TOM1: variants seen among roughly 807,000 people sequenced by gnomAD.
TOM1 encodes the protein target of myb1 membrane trafficking protein.
A neutral mutation model predicts 61.3 loss-of-function variants in TOM1; 38 were observed. The ratio of observed to expected loss-of-function variants is 0.62; its 90% CI spans 0.48 to 0.81. TOM1 has a LOEUF of 0.81. TOM1 is among the 40% of genes least tolerant of loss of function. The probability of loss-of-function intolerance (pLI) is 0.00; values close to 1 mark genes in which losing one functional copy is unlikely to be tolerated. For missense variants in TOM1, 591 were observed against 659.6 expected, an observed-to-expected ratio of 0.90 and a Z score of 1.14; for synonymous variants, 270 against 268.8, an observed-to-expected ratio of 1.00 and a Z score of -0.04.
chr22:35,335,529 AGT>A (rs965101905), intron 11 of TOM1: 1 of 152,668 alleles, frequency 6.6e-6, no homozygotes, highest in African/African-American at 2.4e-5. Context: ...CAAGCTAATG[AGT>A]GTGATGGGAC....
intron 1 of TOM1, 101 bp downstream of exon 1, chr22:35,300,081 C>A (rs967487899): frequency 2.2e-6 from 3 of 1,373,000 alleles, no homozygotes; most frequent in Non-Finnish European, 3.0e-6. Context: ...GCAGGGAGGG[C>A]AAGGAGGCTG....
intron 1 of TOM1, among the ~76,000 whole-genome samples, chr22:35,301,087 C>T (rs948522706): frequency 2.7e-5 from 4 of 150,602 alleles, no homozygotes; most frequent in Non-Finnish European, 5.9e-5. Flanking sequence ...ATTAGCCGGG[C>T]GTGGTGGTGC....
chr22:35,322,452 C>A, intron 3 of TOM1: 1 of 210,408 alleles, frequency 4.8e-6, no homozygotes, highest in Non-Finnish European at 9.5e-6. Flanking sequence ...TTGCCCACAC[C>A]ACTGAACCAG....
intron 1 of TOM1, among the ~76,000 whole-genome samples, chr22:35,311,307 G>A (rs1258551258): frequency 1.3e-5 from 2 of 152,212 alleles, no homozygotes; most frequent in Non-Finnish European, 2.9e-5. Flanking sequence ...AATACTTTGA[G>A]CTGCAGGTAA....
chr22:35,309,301 G>A (rs1381721605), intron 1 of TOM1, among the ~76,000 whole-genome samples: 1 of 152,098 alleles, frequency 6.6e-6, no homozygotes, highest in African/African-American at 2.4e-5. Context: ...GGATTTGTCT[G>A]TGTCTGCATC....
At chr22:35,334,037 A>G (rs534442700) in intron 10 of TOM1, among the ~76,000 whole-genome samples, 3 of 152,234 alleles carry the variant, frequency 2.0e-5, no homozygotes, top group Middle Eastern at 3.4e-3. Context: ...TACCCATCTG[A>G]TTACTGTCCT....
chr22:35,330,344 C>A lies in TOM1; in HGVS notation c.766-3C>A. ...GTGGTTGCCTCACTTCCTTTCCTGG[C>A]AGGAGCTCAACCGCACGTGCCGAGC... is the stretch of plus-strand genomic sequence containing the variant. On this transcript the variant is annotated splice_region_variant and splice_polypyrimidine_tract_variant and intron_variant, in intron 7 of 14. Coordinates refer to ENST00000449058, the MANE Select transcript of TOM1 (RefSeq NM_005488.3). 1.2e-5 allele frequency: 19 copies of A among 1,608,638 alleles called. No homozygotes were observed. Among genetic ancestry groups the A allele is most frequent in the East Asian group, 2.2e-5 (1 of 44,754 alleles).
chr22:35,325,218 C>T lies in TOM1; in HGVS notation c.648+1304C>T, dbSNP rs16995580. On this transcript the variant is annotated intron_variant, in intron 6 of 14. Coordinates refer to ENST00000449058, the MANE Select transcript of TOM1 (RefSeq NM_005488.3). Reference sequence around the variant, plus strand: ...GCTGAGTGTGCTGGTGAGTTAGACACGGATGTGTGATGGAAAGAAAAGTGA... The same window carrying T: ...GCTGAGTGTGCTGGTGAGTTAGACATGGATGTGTGATGGAAAGAAAAGTGA... 8.3e-3 allele frequency among the ~76,000 whole-genome samples: 1,267 copies of T among 152,310 alleles called. 16 individuals are homozygous for T. Among genetic ancestry groups the T allele is most frequent in the African/African-American group, 0.029 (1,207 of 41,562 alleles).
intron 7 of TOM1, among the ~76,000 whole-genome samples, chr22:35,329,494 G>C (rs183200367): frequency 1.4e-4 from 22 of 152,330 alleles, no homozygotes; most frequent in African/African-American, 5.1e-4. Flanking sequence ...AGGGTATATG[G>C]GAACTTGTGG....
At chr22:35,302,864 C>A (rs1001000409) in intron 1 of TOM1, among the ~76,000 whole-genome samples, 3 of 152,158 alleles carry the variant, frequency 2.0e-5, no homozygotes, top group Non-Finnish European at 4.4e-5. Flanking sequence ...ATTCCATATT[C>A]TTTTAGATAA....
chr22:35,342,228 C>T (rs1363502334), intron 12 of TOM1, among the ~76,000 whole-genome samples: 3 of 152,042 alleles, frequency 2.0e-5, no homozygotes, highest in South Asian at 2.1e-4. Flanking sequence ...AGTCGTGTGA[C>T]GAGGTGGTAT....
intron 1 of TOM1, among the ~76,000 whole-genome samples, chr22:35,315,392 C>T (rs759272685): frequency 1.3e-5 from 2 of 152,288 alleles, no homozygotes; most frequent in East Asian, 1.9e-4. Flanking sequence ...GACTAACCCC[C>T]GCCCCAAAAC....
At chr22:35,305,047 A>G (rs1272005730) in intron 1 of TOM1, among the ~76,000 whole-genome samples, 1 of 152,220 alleles carries the variant, frequency 6.6e-6, no homozygotes, top group Non-Finnish European at 1.5e-5. Context: ...CTTTGAATCC[A>G]CAAAAGCCAA....
chr22:35,338,226 G>T (rs993586236), intron 11 of TOM1, among the ~76,000 whole-genome samples: 1 of 152,274 alleles, frequency 6.6e-6, no homozygotes, highest in South Asian at 2.1e-4. Context: ...TGGGGGCAGA[G>T]TCATCTTTGT....
chr22:35,341,815 G>T (rs1282012303), intron 12 of TOM1, among the ~76,000 whole-genome samples: 1 of 152,170 alleles, frequency 6.6e-6, no homozygotes, highest in Non-Finnish European at 1.5e-5. Flanking sequence ...GGTTATCACT[G>T]ATTTATCTCC....
intron 1 of TOM1, among the ~76,000 whole-genome samples, chr22:35,302,293 T>G (rs1172082369): frequency 6.6e-6 from 1 of 151,546 alleles, no homozygotes; most frequent in East Asian, 1.9e-4. Context: ...GACTCTAGAA[T>G]GTGAATTTCT....
At chr22:35,309,299 C>T (rs1926612552) in intron 1 of TOM1, among the ~76,000 whole-genome samples, 1 of 152,088 alleles carries the variant, frequency 6.6e-6, no homozygotes, top group African/African-American at 2.4e-5. Context: ...CAGGATTTGT[C>T]TGTGTCTGCA....
chr22:35,343,516 C>A (rs1295326682), intron 12 of TOM1, among the ~76,000 whole-genome samples: 1 of 144,206 alleles, frequency 6.9e-6, no homozygotes, highest in Non-Finnish European at 1.5e-5. Flanking sequence ...CACTCATACA[C>A]CTACACACAC....
intron 11 of TOM1, 136 bp from the exon 12 acceptor site, chr22:35,338,577 G>T (rs1929585724): frequency 3.2e-6 from 2 of 629,830 alleles, no homozygotes; most frequent in Non-Finnish European, 5.2e-6. Context: ...CCAGAGGCAG[G>T]AAATGAGACC....
Sources: gnomAD v4.1 joint callset for allele counts (sites outside exome capture counted in the v4.1 genomes callset) on GRCh38, gnomAD v4.1.1 for gene constraint, MANE v1.5 for transcripts, NCBI Gene and HGNC (gene_info 2026-07-23, HGNC 2026-07-21) for gene names.